The following EFCAB6 variants were observed in gnomAD, a reference collection of about 807,000 sequenced individuals.
The protein encoded by EFCAB6 is EF-hand calcium-binding domain-containing protein 6.
EFCAB6 carries 156 observed loss-of-function variants against 169.8 expected under a neutral mutation model. The ratio of observed to expected loss-of-function variants is 0.92; its 90% CI spans 0.81 to 1.05. The LOEUF (loss-of-function observed/expected upper bound fraction) is 1.05. EFCAB6 is among the 50% of genes least tolerant of loss of function. The pLI is 0.00. For synonymous variants in EFCAB6, 698 were observed against 676.4 expected (o/e 1.03, Z -0.50); for missense variants, 1,800 against 1,829.1 (o/e 0.98, Z 0.29).
chr22:43,728,106 C>T (rs1489419662), intron 8 of EFCAB6, among the ~76,000 whole-genome samples: 1 of 152,014 alleles, frequency 6.6e-6, no homozygotes, highest in Non-Finnish European at 1.5e-5. Context: ...ATGTTCCCCT[C>T]CCTATGTCCA....
At position 43,682,711 on chromosome 22, in the gene EFCAB6, T is replaced by G. The variant is rs2058052159; in HGVS notation, c.1251+1036A>C. Among the ~76,000 whole-genome samples the G allele has an allele frequency of 3.3e-5, 5 of 152,190 alleles. No homozygotes were observed. In the South Asian group the frequency reaches 1.0e-3, roughly 32 times the overall value. On this transcript the variant is annotated intron_variant, in intron 12 of 31. Transcript: ENST00000262726. ...TGTCAGATGGAGATCATAATCATGT[T>G]TGCCTCACCAAGGTGTCAAGAGGAT...
At chr22:43,646,794 T>C (rs1405163171) in intron 17 of EFCAB6, among the ~76,000 whole-genome samples, 1 of 152,234 alleles carries the variant, frequency 6.6e-6, no homozygotes, top group East Asian at 1.9e-4. Context: ...TATGTTAGCA[T>C]ATATTAAACT....
At chr22:43,583,962 C>A (rs548329036) in intron 24 of EFCAB6, among the ~76,000 whole-genome samples, 1 of 152,236 alleles carries the variant, frequency 6.6e-6, no homozygotes, top group East Asian at 1.9e-4. Context: ...AGGCTAGAGG[C>A]TCAGGGATAG....
At chr22:43,787,393 T>G (rs1603374378) in intron 2 of EFCAB6, among the ~76,000 whole-genome samples, 1 of 147,146 alleles carries the variant, frequency 6.8e-6, no homozygotes, top group African/African-American at 2.5e-5. Context: ...CAATTAGAAC[T>G]AATAAACAAG....
intron 10 of EFCAB6, among the ~76,000 whole-genome samples, chr22:43,701,749 T>C (rs1603247603): frequency 7.0e-6 from 1 of 143,174 alleles, no homozygotes; most frequent in Admixed American, 7.0e-5. Flanking sequence ...AAAAGCAGAG[T>C]CACAGATTTC....
chr22:43,682,034 T>C (rs2058025938), intron 12 of EFCAB6, among the ~76,000 whole-genome samples: 3 of 152,152 alleles, frequency 2.0e-5, no homozygotes, highest in Admixed American at 1.3e-4. Flanking sequence ...GGAGAGAGAT[T>C]TGTTTCCCAT....
chr22:43,712,045 T>G (rs374918049), intron 9 of EFCAB6, among the ~76,000 whole-genome samples: 3 of 152,178 alleles, frequency 2.0e-5, no homozygotes, highest in African/African-American at 7.2e-5. Context: ...TAGAAGTAGC[T>G]TTTACAGTAA....
intron 10 of EFCAB6, among the ~76,000 whole-genome samples, chr22:43,710,575 T>G (rs1481882361): frequency 1.3e-5 from 2 of 152,174 alleles, no homozygotes; most frequent in Non-Finnish European, 2.9e-5. Context: ...AACTGTGTCT[T>G]GTTGTCACCA....
chr22:43,600,280 A>C lies in EFCAB6; in HGVS notation c.2682-17T>G. 1 of 1,612,656 alleles carries C rather than the reference A, an allele frequency of 6.2e-7. No homozygotes were observed. The highest frequency in any genetic ancestry group is 8.5e-7 in the Non-Finnish European group (1 of 1,179,250). On this transcript the variant is annotated splice_polypyrimidine_tract_variant and intron_variant, in intron 22 of 31. Transcript: ENST00000262726. Reference sequence around the variant, plus strand: ...GTGTCGTATCTTAAAACAAAAACAAAAACAGAAAGCACTTCTCAGTAGCCA... The same window carrying C: ...GTGTCGTATCTTAAAACAAAAACAACAACAGAAAGCACTTCTCAGTAGCCA...
chr22:43,645,907 C>T (rs1302740520), intron 17 of EFCAB6, among the ~76,000 whole-genome samples: 1 of 152,054 alleles, frequency 6.6e-6, no homozygotes, highest in Non-Finnish European at 1.5e-5. Context: ...ACATGACCAC[C>T]TTTCAATGTC....
In EFCAB6 at chr22:43,576,487, G is replaced by A. The variant is rs2050265260; in HGVS notation, c.3230C>T (p.Ala1077Val). The A allele has an allele frequency of 6.6e-7, 1 of 1,521,144 alleles. No homozygotes were observed. Among genetic ancestry groups the A allele is most frequent in the Non-Finnish European group, 8.8e-7 (1 of 1,142,256 alleles). 94.2% of individuals were successfully genotyped at this position (1,521,144 alleles called of 1,614,324 possible). ...ATCCTCTTTATCCAATGCAGAAAATGCCTAAAAAGAAAGAAAAGAAAAAAA... is the reference window on the plus strand; with the variant it reads ...ATCCTCTTTATCCAATGCAGAAAATACCTAAAAAGAAAGAAAAGAAAAAAA... ...VESSQLALSTAFSALDKEDTG... is the reference protein window; with the variant it reads ...VESSQLALSTVFSALDKEDTG... Residue 1077 changes from alanine (A) to valine (V), a missense_variant and splice_region_variant, in exon 26 of 32, where the codon GCA becomes GTA. By Grantham distance (64) the Ala-to-Val change is moderately conservative. Coordinates refer to ENST00000262726, the MANE Select transcript of EFCAB6 (RefSeq NM_022785.4).
At chr22:43,604,545 A>C (rs2052770098) in intron 22 of EFCAB6, among the ~76,000 whole-genome samples, 1 of 152,140 alleles carries the variant, frequency 6.6e-6, no homozygotes, top group African/African-American at 2.4e-5. Flanking sequence ...TTCTAAGCTA[A>C]TGATCTTGTT....
At chr22:43,651,726 T>C (rs1237647371) in intron 17 of EFCAB6, among the ~76,000 whole-genome samples, 1 of 152,234 alleles carries the variant, frequency 6.6e-6, no homozygotes, top group African/African-American at 2.4e-5. Flanking sequence ...GGGGCGGAGC[T>C]GCCCAAGACC....
intron 27 of EFCAB6, among the ~76,000 whole-genome samples, chr22:43,549,332 A>G (rs372797956): frequency 6.6e-5 from 10 of 152,314 alleles, no homozygotes; most frequent in East Asian, 1.9e-4. Flanking sequence ...GCCAGGAGAA[A>G]AATAATATTA....
intron 24 of EFCAB6, among the ~76,000 whole-genome samples, chr22:43,586,977 T>C (rs1431247707): frequency 6.6e-6 from 1 of 152,190 alleles, no homozygotes; most frequent in South Asian, 2.1e-4. Context: ...GGAATAGATG[T>C]ATCAGAATCC....
chr22:43,603,729 A>G (rs549919428), intron 22 of EFCAB6, among the ~76,000 whole-genome samples: 2 of 152,398 alleles, frequency 1.3e-5, no homozygotes, highest in Non-Finnish European at 2.9e-5. Flanking sequence ...GCAGAGGCAG[A>G]CACAGCACCT....
At chr22:43,773,576 G>A (rs969411566) in intron 3 of EFCAB6, among the ~76,000 whole-genome samples, 2 of 152,226 alleles carry the variant, frequency 1.3e-5, no homozygotes, top group African/African-American at 2.4e-5. Context: ...GGCTGGGCAC[G>A]GTGGCTCACG....
At chr22:43,656,385 G>A (rs1461757280) in intron 17 of EFCAB6, among the ~76,000 whole-genome samples, 3 of 149,486 alleles carry the variant, frequency 2.0e-5, no homozygotes, top group Non-Finnish European at 3.0e-5. Context: ...AGAGCAAAAC[G>A]CCATCTAAAA....
At chr22:43,601,538 C>T (rs896880920) in intron 22 of EFCAB6, among the ~76,000 whole-genome samples, 4 of 152,308 alleles carry the variant, frequency 2.6e-5, no homozygotes, top group Admixed American at 1.3e-4. Flanking sequence ...ATCAGTTTTC[C>T]TTTGAGAGGT....
Sources: gnomAD v4.1 joint callset for allele counts (sites outside exome capture counted in the v4.1 genomes callset) on GRCh38, gnomAD v4.1.1 for gene constraint, MANE v1.5 for transcripts, NCBI Gene and HGNC (gene_info 2026-07-23, HGNC 2026-07-21) for gene names.